Variants in TEX14 observed in about 807,000 individuals in gnomAD.
The protein encoded by TEX14 is inactive serine/threonine-protein kinase TEX14.
In TEX14, 168 loss-of-function variants were observed where a neutral mutation model predicts 178.6. The observed-to-expected ratio is 0.94, with a 90% CI of 0.83 to 1.07. TEX14 has a LOEUF of 1.07. TEX14 is among the 50% of genes least tolerant of loss of function. The pLI, the probability that TEX14 is intolerant of heterozygous loss-of-function variation, is 0.00. For synonymous variants in TEX14, 626 were observed against 634.1 expected (o/e 0.99, Z 0.19); for missense variants, 1,730 against 1,753.6 (o/e 0.99, Z 0.24).
intron 13 of TEX14, among the ~76,000 whole-genome samples, 170 bp downstream of exon 13, chr17:58,601,636 G>C (rs1194170596): frequency 6.6e-6 from 1 of 152,218 alleles, no homozygotes; most frequent in African/African-American, 2.4e-5. Context: ...GGAGGTTGCA[G>C]TGAGCTGAGA....
At chr17:58,560,413 A>G (rs1201104689) in intron 29 of TEX14, among the ~76,000 whole-genome samples, 1 of 152,182 alleles carries the variant, frequency 6.6e-6, no homozygotes, top group Non-Finnish European at 1.5e-5. Flanking sequence ...TGCCCAGGAC[A>G]GGGAATCATC....
chr17:58,603,887 C>CTGTGTGTGTGTGTGTGTGTG (rs71143257), intron 11 of TEX14, among the ~76,000 whole-genome samples: 31 of 105,292 alleles, frequency 2.9e-4, no homozygotes, highest in East Asian at 2.0e-3. Flanking sequence ...TGTGATTTTA[C>CTGTGTGTGTGTGTGTGTGTG]TGTGTGTGTG....
intron 21 of TEX14, among the ~76,000 whole-genome samples, chr17:58,576,023 T>C (rs1018336086): frequency 7.9e-5 from 12 of 152,342 alleles, no homozygotes; most frequent in African/African-American, 2.9e-4. Flanking sequence ...GTGCCTGGCA[T>C]ATGCTAGATA....
intron 1 of TEX14, among the ~76,000 whole-genome samples, chr17:58,686,088 C>A (rs981627563): frequency 1.9e-4 from 29 of 151,340 alleles, no homozygotes; most frequent in African/African-American, 7.0e-4. Context: ...TGGTGGCTCG[C>A]ACCTGTAATC....
intron 2 of TEX14, among the ~76,000 whole-genome samples, chr17:58,632,854 C>T (rs138715700): frequency 5.3e-5 from 8 of 152,218 alleles, no homozygotes; most frequent in African/African-American, 1.9e-4. Flanking sequence ...TCATAGTACT[C>T]GACCAATGAG....
chr17:58,617,258 T>A (rs939968953), intron 6 of TEX14, among the ~76,000 whole-genome samples: 1 of 152,042 alleles, frequency 6.6e-6, no homozygotes, highest in Admixed American at 6.6e-5. Flanking sequence ...CTCAAAAAAA[T>A]AATAATTAAA....
intron 29 of TEX14, among the ~76,000 whole-genome samples, chr17:58,560,513 G>A (rs2044252812): frequency 6.6e-6 from 1 of 152,164 alleles, no homozygotes; most frequent in African/African-American, 2.4e-5. Context: ...TGGCTATTAG[G>A]TTTGTGCTTT....
chr17:58,599,700 A>T, intron 13 of TEX14, 34 bp from the exon 14 acceptor site: 1 of 1,560,966 alleles, frequency 6.4e-7, no homozygotes, highest in Non-Finnish European at 8.7e-7. Flanking sequence ...CAACTCATTA[A>T]AATGAACATA....
At chr17:58,667,176 G>T (rs1003782548) in intron 1 of TEX14, among the ~76,000 whole-genome samples, 24 of 152,188 alleles carry the variant, frequency 1.6e-4, no homozygotes, top group Admixed American at 5.2e-4. Context: ...GAACCACCCC[G>T]GCATCATTTC....
intron 6 of TEX14, 39 bp downstream of exon 6, chr17:58,617,499 T>A: frequency 6.8e-7 from 1 of 1,470,820 alleles, no homozygotes; most frequent in Non-Finnish European, 9.5e-7. Flanking sequence ...ATTCTCCAGT[T>A]AGTCCTGCAA....
intron 2 of TEX14, among the ~76,000 whole-genome samples, chr17:58,648,788 T>C (rs1423604158): frequency 8.4e-5 from 2 of 23,904 alleles, no homozygotes; most frequent in African/African-American, 3.9e-4. Context: ...TTTTTTTTCT[T>C]TTTTTTTTTT....
rs1405879031 is a variant in TEX14 at position 58,661,738 on chromosome 17, C to G, written c.-1-9736G>C. ...AGGGAGGCGGTGGCGTTGGGGGCGG[C>G]ATAGGGGAAGGCAACGGAGTCGGTT... On this transcript the variant is annotated intron_variant, in intron 1 of 31. Transcript: ENST00000349033. 5.3e-6 allele frequency: 3 copies of G among 565,416 alleles called. No homozygotes were observed. In the African/African-American group the frequency reaches 5.7e-5, roughly 11 times the overall value. 35.0% of individuals were successfully genotyped at this position (565,416 alleles called of 1,614,324 possible). A position where few individuals can be genotyped will look rare whatever the true frequency, so the allele number is the denominator to read the frequency against.
rs1266532546 is a variant in TEX14, at chr17:58,625,461, C to T, written c.252-2449G>A. On this transcript the variant is annotated intron_variant, in intron 3 of 31. Coordinates refer to ENST00000349033, the MANE Select transcript of TEX14 (RefSeq NM_031272.5). The stretch of plus-strand genomic sequence containing the variant: ...GTCTTACCATCTTCTAATCATTCCT[C>T]CCACAAACAGTAAGAAAGCTGGGTT... 1.1e-4 allele frequency among the ~76,000 whole-genome samples: 16 copies of T among 152,122 alleles called. No individual in the cohort carries two copies. In the East Asian group the frequency reaches 2.9e-3, roughly 27 times the overall value.
intron 17 of TEX14, among the ~76,000 whole-genome samples, chr17:58,586,831 C>T (rs1236201952): frequency 6.6e-6 from 1 of 151,730 alleles, no homozygotes; most frequent in Non-Finnish European, 1.5e-5. Flanking sequence ...TCCAGGTAGT[C>T]CGGTTTCCTC....
chr17:58,615,800 C>T (rs578259544), intron 7 of TEX14, among the ~76,000 whole-genome samples: 1 of 152,300 alleles, frequency 6.6e-6, no homozygotes, highest in African/African-American at 2.4e-5. Flanking sequence ...TCTAATTCTT[C>T]AGAGAGCAGA....
rs1349826295 is a variant in TEX14 at position 58,612,257 on chromosome 17, A to G, written c.1006-918T>C. ...ATTATAGTTAGTCAAAGGTGTCTGTATTTTCTGGGTCCACTGCGCTCTTAG... is the reference window on the plus strand; with the variant it reads ...ATTATAGTTAGTCAAAGGTGTCTGTGTTTTCTGGGTCCACTGCGCTCTTAG... On this transcript the variant is annotated intron_variant, in intron 9 of 31. Coordinates refer to ENST00000349033, the MANE Select transcript of TEX14 (RefSeq NM_031272.5). Among the ~76,000 whole-genome samples, 3 of 152,232 alleles carry G rather than the reference A, an allele frequency of 2.0e-5. No individual in the cohort carries two copies. The East Asian group carries it at 5.8e-4, about 29-fold the overall frequency.
At position 58,653,187 on chromosome 17, in the gene TEX14, C is replaced by T. The variant is rs575809113; in HGVS notation, c.-1-1185G>A. Among the ~76,000 whole-genome samples the T allele has an allele frequency of 2.0e-5, 3 of 152,312 alleles. No homozygotes were observed. In the East Asian group the frequency reaches 5.8e-4, roughly 29 times the overall value. ...TCTTGCCCTTGTGATCCGCCTGCCT[C>T]AGCCTCCCAAAGTGCTGGGATTACA... On this transcript the variant is annotated intron_variant, in intron 1 of 31. Coordinates refer to ENST00000349033, the MANE Select transcript of TEX14 (RefSeq NM_031272.5).
At chr17:58,573,003 C>T (rs1239698962) in intron 23 of TEX14, among the ~76,000 whole-genome samples, 178 bp downstream of exon 23, 1 of 152,262 alleles carries the variant, frequency 6.6e-6, no homozygotes. Flanking sequence ...CAATAATCAC[C>T]ACCACCATCA....
intron 1 of TEX14, among the ~76,000 whole-genome samples, chr17:58,684,181 G>A (rs1038033150): frequency 1.3e-5 from 2 of 151,902 alleles, no homozygotes; most frequent in Admixed American, 6.6e-5. Context: ...GCTTCCGCCC[G>A]GCATGGTGAC....
Sources: allele counts gnomAD v4.1 joint callset (sites outside exome capture counted in the v4.1 genomes callset), GRCh38; gene constraint gnomAD v4.1.1; transcripts MANE v1.5; gene names NCBI Gene and HGNC (gene_info 2026-07-23, HGNC 2026-07-21).